ABLIM1: variants seen among roughly 807,000 people sequenced by gnomAD.
The protein encoded by ABLIM1 is actin-binding LIM protein 1.
In ABLIM1, 40 loss-of-function variants were observed where a neutral mutation model predicts 107.0. The observed-to-expected ratio is 0.37, with a 90% confidence interval of 0.29 to 0.49. The LOEUF is 0.49. Among genes scored for constraint, ABLIM1 ranks in the 20% least tolerant of loss-of-function variants. The probability of loss-of-function intolerance (pLI) is 0.97; values close to 1 mark genes in which losing one functional copy is unlikely to be tolerated. For missense variants in ABLIM1, 857 were observed against 1,008.5 expected (o/e 0.85, Z 2.04); for synonymous variants, 357 against 357.3 (o/e 1.00, Z 0.01).
intron 6 of ABLIM1, among the ~76,000 whole-genome samples, chr10:114,533,443 C>A (rs1202761844): frequency 1.3e-5 from 2 of 152,192 alleles, no homozygotes; most frequent in African/African-American, 4.8e-5. Flanking sequence ...AATCAAATCA[C>A]ATGCTTAAAA....
intron 6 of ABLIM1, among the ~76,000 whole-genome samples, chr10:114,544,309 C>A (rs2067048153): frequency 1.3e-5 from 2 of 152,294 alleles, no homozygotes; most frequent in African/African-American, 4.8e-5. Context: ...CTGGCTGACA[C>A]CCCACAGGCC....
At chr10:114,627,870 C>A (rs1034060079) in intron 1 of ABLIM1, among the ~76,000 whole-genome samples, 1 of 152,162 alleles carries the variant, frequency 6.6e-6, no homozygotes, top group Admixed American at 6.5e-5. Flanking sequence ...TGCCTGTAAT[C>A]CCAGCACTTT....
intron 1 of ABLIM1, among the ~76,000 whole-genome samples, chr10:114,758,294 C>A (rs1220689275): frequency 6.6e-6 from 1 of 152,190 alleles, no homozygotes; most frequent in Non-Finnish European, 1.5e-5. Flanking sequence ...TTCTTGCCAA[C>A]TACAATTCTA....
At chr10:114,600,665 C>T (rs925354092) in intron 2 of ABLIM1, among the ~76,000 whole-genome samples, 1 of 152,088 alleles carries the variant, frequency 6.6e-6, no homozygotes, top group African/African-American at 2.4e-5. Flanking sequence ...AAGGTGCGTA[C>T]CACAGGCAGG....
chr10:114,644,775 C>T (rs1428020144), intron 1 of ABLIM1, among the ~76,000 whole-genome samples: 1 of 152,196 alleles, frequency 6.6e-6, no homozygotes, highest in Non-Finnish European at 1.5e-5. Context: ...TGGATATTCA[C>T]CTTAAAAGAT....
intron 1 of ABLIM1, among the ~76,000 whole-genome samples, chr10:114,627,720 C>G (rs941886422): frequency 2.0e-5 from 3 of 152,184 alleles, no homozygotes; most frequent in African/African-American, 7.2e-5. Flanking sequence ...AGGAGGAAGG[C>G]CTTTATTAGT....
At chr10:114,606,584 T>G (rs902581482) in intron 1 of ABLIM1, among the ~76,000 whole-genome samples, 28 of 152,274 alleles carry the variant, frequency 1.8e-4, no homozygotes, top group African/African-American at 6.7e-4. Flanking sequence ...ATACTCAGTA[T>G]CTTGCAGGTA....
intron 9 of ABLIM1, among the ~76,000 whole-genome samples, chr10:114,473,624 G>A (rs1350150853): frequency 6.6e-6 from 1 of 151,862 alleles, no homozygotes; most frequent in Admixed American, 6.6e-5. Context: ...AGTCTTAGGT[G>A]CAAGAATTTT....
chr10:114,586,658 C>T (rs1016155799), intron 2 of ABLIM1, among the ~76,000 whole-genome samples: 4 of 149,822 alleles, frequency 2.7e-5, no homozygotes, highest in Non-Finnish European at 4.4e-5. Flanking sequence ...GAGCAGGCTC[C>T]GGAAGAGAGC....
At chr10:114,680,671 G>A (rs947957701) in intron 1 of ABLIM1, among the ~76,000 whole-genome samples, 6 of 152,040 alleles carry the variant, frequency 3.9e-5, no homozygotes, top group Admixed American at 6.6e-5. Context: ...AGGATCCCCC[G>A]GGCCTTCCCT....
intron 14 of ABLIM1, 35 bp downstream of exon 14, chr10:114,451,589 T>C: frequency 1.3e-6 from 2 of 1,590,704 alleles, no homozygotes; most frequent in Non-Finnish European, 1.7e-6. Flanking sequence ...CTGACTTTGC[T>C]ATTTAAAAGC....
intron 2 of ABLIM1, among the ~76,000 whole-genome samples, chr10:114,600,530 C>G (rs1001606934): frequency 6.6e-6 from 1 of 152,136 alleles, no homozygotes; most frequent in Non-Finnish European, 1.5e-5. Flanking sequence ...TCATGTATTT[C>G]GTGGTCACTA....
intron 6 of ABLIM1, among the ~76,000 whole-genome samples, chr10:114,497,166 G>A (rs898475872): frequency 2.0e-5 from 3 of 152,232 alleles, no homozygotes; most frequent in Non-Finnish European, 4.4e-5. Context: ...TCACTGCAGA[G>A]AGGATGCTGT....
intron 13 of ABLIM1, among the ~76,000 whole-genome samples, chr10:114,453,178 A>G (rs181375393): frequency 1.3e-5 from 2 of 152,380 alleles, no homozygotes. Context: ...AAATTATTTT[A>G]GAAAACATAA....
At chr10:114,639,705 C>T (rs1335310408) in intron 1 of ABLIM1, among the ~76,000 whole-genome samples, 5 of 152,220 alleles carry the variant, frequency 3.3e-5, no homozygotes, top group African/African-American at 1.2e-4. Context: ...TGGTTTAATG[C>T]TTTGCTATTG....
At chr10:114,624,261 G>A (rs1402769181) in intron 1 of ABLIM1, among the ~76,000 whole-genome samples, 2 of 152,104 alleles carry the variant, frequency 1.3e-5, no homozygotes, top group African/African-American at 4.8e-5. Flanking sequence ...CTTTGACTTT[G>A]GCATAGGAGA....
chr10:114,725,453 T>A (rs1264625338), intron 1 of ABLIM1, among the ~76,000 whole-genome samples: 1 of 152,128 alleles, frequency 6.6e-6, no homozygotes, highest in Non-Finnish European at 1.5e-5. Context: ...TATGTGCCAA[T>A]GTGACAAAAC....
Position 114,502,884 on chromosome 10 carries a change from C to G in ABLIM1, c.895-11006G>C, listed in dbSNP as rs80050874. ...GCACCCAAATTAAAAAAGAAAAGAACATTATCTGCACTAAGAAACCCCCTT... is the reference window on the plus strand; with the variant it reads ...GCACCCAAATTAAAAAAGAAAAGAAGATTATCTGCACTAAGAAACCCCCTT... On this transcript the variant is annotated intron_variant, in intron 6 of 22. Coordinates refer to ENST00000533213, the MANE Select transcript of ABLIM1 (RefSeq NM_002313.7). Among the ~76,000 whole-genome samples, 447 of 152,288 alleles carry G rather than the reference C, an allele frequency of 2.9e-3. 5 individuals carry two copies. Among genetic ancestry groups the G allele is most frequent in the African/African-American group, 1.0e-2 (415 of 41,574 alleles).
intron 10 of ABLIM1, among the ~76,000 whole-genome samples, chr10:114,468,921 G>A (rs191463238): frequency 1.1e-3 from 165 of 151,864 alleles, no homozygotes; most frequent in African/African-American, 3.6e-3. Context: ...GCGCGGTGGC[G>A]GGCGCCTGTA....
Sources: allele counts gnomAD v4.1 joint callset (sites outside exome capture counted in the v4.1 genomes callset), GRCh38; gene constraint gnomAD v4.1.1; transcripts MANE v1.5; gene names NCBI Gene and HGNC (gene_info 2026-07-23, HGNC 2026-07-21).